PCDHA3: variants seen among roughly 807,000 people sequenced by gnomAD.
PCDHA3 encodes the protein protocadherin alpha 3.
PCDHA3 carries 41 observed loss-of-function variants against 62.2 expected under a neutral mutation model. The observed-to-expected ratio is 0.66, with a 90% CI of 0.51 to 0.86. The LOEUF is 0.86. PCDHA3 is among the 40% of genes least tolerant of loss of function. The pLI, the probability that PCDHA3 is intolerant of heterozygous loss-of-function variation, is 0.00. For missense variants in PCDHA3, 1,304 were observed against 1,241.2 expected (o/e 1.05, Z -0.76); for synonymous variants, 640 against 555.4 (o/e 1.15, Z -2.14).
intron 1 of PCDHA3, chr5:140,843,938 G>C: frequency 1.7e-6 from 1 of 572,224 alleles, no homozygotes; most frequent in East Asian, 2.9e-5. Flanking sequence ...GTTATGGTTG[G>C]ATGATATCCA....
chr5:140,871,208 C>G, intron 1 of PCDHA3: 1 of 1,613,802 alleles, frequency 6.2e-7, no homozygotes, highest in Non-Finnish European at 8.5e-7. Context: ...CTGATCATCG[C>G]CATCTGCGTG....
intron 1 of PCDHA3, among the ~76,000 whole-genome samples, chr5:140,957,165 A>C (rs2095338056): frequency 6.6e-6 from 1 of 152,190 alleles, no homozygotes; most frequent in African/African-American, 2.4e-5. Context: ...AAATCTAAGT[A>C]TATAAATTGG....
In PCDHA3 at chr5:140,830,099, G is replaced by A. The variant is rs2150181082; in HGVS notation, c.2394+26508G>A. On this transcript the variant is annotated intron_variant, in intron 1 of 3. Transcript: ENST00000522353. ...GACGGCCACGGTTCTGGTGTCGCTG[G>A]TGGAGAGTGGCCAGGCTCCAAAGGC... 6 of 1,613,520 alleles carry A rather than the reference G, an allele frequency of 3.7e-6. No homozygotes were observed. In the African/African-American group the frequency reaches 4.0e-5, roughly 11 times the overall value.
chr5:140,931,544 A>G (rs1276156656), intron 1 of PCDHA3, among the ~76,000 whole-genome samples: 1 of 152,048 alleles, frequency 6.6e-6, no homozygotes, highest in Non-Finnish European at 1.5e-5. Context: ...TATACTGTTC[A>G]TATGTGCAGG....
intron 1 of PCDHA3, among the ~76,000 whole-genome samples, chr5:140,896,881 A>C (rs1436700773): frequency 9.9e-5 from 15 of 152,204 alleles, no homozygotes; most frequent in Non-Finnish European, 1.3e-4. Context: ...TTTATGGGGT[A>C]TATGAGACAT....
intron 1 of PCDHA3, among the ~76,000 whole-genome samples, chr5:140,941,249 TTCTTTC>T (rs1367740560): frequency 3.0e-4 from 42 of 138,342 alleles, no homozygotes; most frequent in South Asian, 7.1e-4. Context: ...CTTTCTTTCT[TTCTTTC>T]TCTTTCTTTC....
intron 1 of PCDHA3, chr5:140,821,754 T>G (rs1461015460): frequency 1.3e-6 from 2 of 1,582,528 alleles, no homozygotes; most frequent in Non-Finnish European, 1.7e-6. Flanking sequence ...AATAGAAAGC[T>G]CATAATTGGA....
At chr5:140,877,095 C>T in intron 1 of PCDHA3, 1 of 1,613,330 alleles carries the variant, frequency 6.2e-7, no homozygotes, top group Non-Finnish European at 8.5e-7. Context: ...GCGACGCCGG[C>T]GTGCCGCCTC....
At chr5:140,807,614 G>A (rs782288256) in intron 1 of PCDHA3, 58 of 1,614,174 alleles carry the variant, frequency 3.6e-5, no homozygotes, top group Non-Finnish European at 4.8e-5. Context: ...CCTGTCCATC[G>A]CGGAATCCAG....
chr5:140,876,378 T>G (rs1554168503), intron 1 of PCDHA3: 1 of 1,613,948 alleles, frequency 6.2e-7, no homozygotes. Flanking sequence ...CAGGTGAAAT[T>G]AGAATTTATG....
intron 1 of PCDHA3, chr5:140,852,854 AT>A: frequency 1.0e-6 from 1 of 963,700 alleles, no homozygotes; most frequent in Non-Finnish European, 1.3e-6. Context: ...CTTACTAAGC[AT>A]TTACTATGTC....
rs782722148 is a variant in PCDHA3, at chr5:140,857,308, T to A, written c.2394+53717T>A. 2 of 1,597,818 alleles carry A rather than the reference T, an allele frequency of 1.3e-6. 1 individual carries two copies. Among genetic ancestry groups the A allele is most frequent in the African/African-American group, 2.7e-5 (2 of 74,344 alleles). Reference sequence around the variant, plus strand: ...TGGACCGCGAGAGGGTGTCGGCCTATGAGCTGGTGGTGACCGCGCGGGACG... The same window carrying A: ...TGGACCGCGAGAGGGTGTCGGCCTAAGAGCTGGTGGTGACCGCGCGGGACG... On this transcript the variant is annotated intron_variant, in intron 1 of 3. Coordinates refer to ENST00000522353, the MANE Select transcript of PCDHA3 (RefSeq NM_018906.3).
intron 1 of PCDHA3, chr5:140,836,789 T>C (rs2150269874): frequency 4.9e-6 from 7 of 1,427,046 alleles, no homozygotes; most frequent in East Asian, 2.3e-5. Context: ...ATTAGTTCAA[T>C]TGGTCTCCTT....
At chr5:141,007,325 C>G (rs1303133451) in intron 3 of PCDHA3, among the ~76,000 whole-genome samples, 2 of 145,322 alleles carry the variant, frequency 1.4e-5, no homozygotes, top group Non-Finnish European at 3.0e-5. Flanking sequence ...CTAAAGTGGA[C>G]AGATTGCCTG....
chr5:140,986,737 G>A (rs1183806071), intron 3 of PCDHA3, among the ~76,000 whole-genome samples: 1 of 152,192 alleles, frequency 6.6e-6, no homozygotes, highest in African/African-American at 2.4e-5. Flanking sequence ...CAAGACCCCA[G>A]GGGATCTGGG....
chr5:140,829,915 G>C (rs782789312), intron 1 of PCDHA3: 5 of 1,613,890 alleles, frequency 3.1e-6, no homozygotes, highest in Admixed American at 1.7e-5. Context: ...CGTGGCTTTC[G>C]TATGAGCTGC....
rs150081104 is a variant in PCDHA3 at position 140,801,281 on chromosome 5, C to A, written c.84C>A (p.Ser28Arg). Residue 28 changes from serine to arginine, a missense_variant, in exon 1 of 4, where the codon AGC becomes AGA. Transcript: ENST00000522353. ...TCCTCGCAGCCTCGGAGGTGGGGAG[C>A]GGCCAGCTCCACTACTCCGTCTCTG... ...LLLLAASEVG[S>R]GQLHYSVSEE... 3.7e-6 allele frequency: 6 copies of A among 1,613,424 alleles called. No homozygotes were observed. Among genetic ancestry groups the A allele is most frequent in the Non-Finnish European group, 5.1e-6 (6 of 1,179,906 alleles).
chr5:140,971,210 C>G (rs192930872), intron 1 of PCDHA3, among the ~76,000 whole-genome samples: 383 of 152,274 alleles, frequency 2.5e-3, no homozygotes, highest in Non-Finnish European at 3.7e-3. Context: ...CACTGTTACC[C>G]TCCCTCTCCT....
At chr5:140,836,524 C>G (rs2150262831) in intron 1 of PCDHA3, 1 of 1,613,834 alleles carries the variant, frequency 6.2e-7, no homozygotes, top group South Asian at 1.1e-5. Flanking sequence ...TTGGTGCTTA[C>G]CCTGCTGCTG....
Sources: gnomAD v4.1 joint callset for allele counts (sites outside exome capture counted in the v4.1 genomes callset) on GRCh38, gnomAD v4.1.1 for gene constraint, MANE v1.5 for transcripts, NCBI Gene and HGNC (gene_info 2026-07-23, HGNC 2026-07-21) for gene names.